KCNG2: variants seen among roughly 807,000 people sequenced by gnomAD.
KCNG2 encodes voltage-gated potassium channel regulatory subunit KCNG2.
Under a neutral mutation model 12.3 loss-of-function variants are expected in KCNG2, and 7 were observed. The ratio of observed to expected loss-of-function variants is 0.57; its 90% CI spans 0.32 to 1.07. The LOEUF (loss-of-function observed/expected upper bound fraction) is 1.07, where lower values mean the gene tolerates loss of function less well. Among genes scored for constraint, KCNG2 ranks in the 50% least tolerant of loss-of-function variants. The pLI is 0.04. For synonymous variants in KCNG2, 414 were observed against 351.4 expected (o/e 1.18, Z -1.99); for missense variants, 703 against 726.0 (o/e 0.97, Z 0.36).
chr18:79,819,217 G>A (rs761495262), intron 1 of KCNG2, among the ~76,000 whole-genome samples: 11 of 152,194 alleles, frequency 7.2e-5, no homozygotes, highest in African/African-American at 1.7e-4. Flanking sequence ...GGAGAAGGCC[G>A]GCAGCCTGCA....
intron 1 of KCNG2, among the ~76,000 whole-genome samples, chr18:79,827,927 C>CTT (rs55913813): frequency 0.28 from 40,009 of 140,954 alleles, 6,541 homozygotes; most frequent in South Asian, 0.51. Context: ...TTCTTTCTTT[C>CTT]TTTTTTTTTT....
chr18:79,805,307 T>C (rs1434033535), intron 1 of KCNG2, among the ~76,000 whole-genome samples: 1 of 152,230 alleles, frequency 6.6e-6, no homozygotes, highest in Non-Finnish European at 1.5e-5. Context: ...TCCAAATACA[T>C]GGCTTTTTGC....
chr18:79,845,182 G>A (rs1226408358), intron 1 of KCNG2, among the ~76,000 whole-genome samples: 1 of 152,212 alleles, frequency 6.6e-6, no homozygotes, highest in Admixed American at 6.5e-5. Context: ...GTTACGTAGG[G>A]TGTGGTTCAA....
intron 1 of KCNG2, among the ~76,000 whole-genome samples, chr18:79,814,511 C>G (rs1402821959): frequency 6.6e-6 from 1 of 152,170 alleles, no homozygotes; most frequent in East Asian, 1.9e-4. Context: ...TCTGCCATTC[C>G]ATTTGCACGG....
At chr18:79,865,696 G>C (rs1979476006) in intron 3 of KCNG2, among the ~76,000 whole-genome samples, 1 of 146,024 alleles carries the variant, frequency 6.8e-6, no homozygotes, top group Non-Finnish European at 1.5e-5. Flanking sequence ...TGAGAGGTCT[G>C]GGTGCTGAGG....
intron 1 of KCNG2, among the ~76,000 whole-genome samples, chr18:79,825,469 C>T (rs2087606416): frequency 6.6e-6 from 1 of 152,220 alleles, no homozygotes; most frequent in Admixed American, 6.5e-5. Flanking sequence ...AATATCTTTC[C>T]TGTCCTTTTC....
At chr18:79,834,211 T>A (rs1207861493) in intron 1 of KCNG2, among the ~76,000 whole-genome samples, 2 of 152,230 alleles carry the variant, frequency 1.3e-5, no homozygotes, top group Non-Finnish European at 2.9e-5. Context: ...AGAACCCTGA[T>A]AAAGACCCGT....
In KCNG2 at chr18:79,881,419, G is replaced by A. The variant is rs374296979; in HGVS notation, c.624+17128G>A. ...GAACTGCCTATGTAGAAATTCCCAGGAAACCCACAACAAAGCTTAAGAAAA... is the reference window on the plus strand; with the variant it reads ...GAACTGCCTATGTAGAAATTCCCAGAAAACCCACAACAAAGCTTAAGAAAA... On this transcript the variant is annotated intron_variant, in intron 3 of 3. Coordinates refer to ENST00000316249, the MANE Select transcript of KCNG2 (RefSeq NM_012283.2). Among the ~76,000 whole-genome samples, 10 of 152,268 alleles carry A rather than the reference G, an allele frequency of 6.6e-5. No homozygotes were observed. The South Asian group carries it at 1.5e-3, about 22-fold the overall frequency.
intron 3 of KCNG2, among the ~76,000 whole-genome samples, chr18:79,865,732 T>TGA (rs1284879900): frequency 8.9e-5 from 10 of 112,046 alleles, no homozygotes; most frequent in East Asian, 5.3e-4. Flanking sequence ...GTCTGTGTTC[T>TGA]GAGGTCTGGG....
intron 1 of KCNG2, chr18:79,816,462 G>C (rs968227237): frequency 2.0e-5 from 3 of 148,876 alleles, no homozygotes; most frequent in African/African-American, 7.3e-5. Flanking sequence ...AGCCCTGCAC[G>C]GGCGCTCTTT....
chr18:79,854,530 C>T (rs1599394907), intron 1 of KCNG2, among the ~76,000 whole-genome samples: 4 of 135,828 alleles, frequency 2.9e-5, no homozygotes, highest in Non-Finnish European at 3.1e-5. Context: ...CTTTCATTGG[C>T]TTTTTTTTTT....
Position 79,899,072 on chromosome 18 carries a change from C to T in KCNG2, c.657C>T (p.Phe219=), listed in dbSNP as rs148791756. 655 of 1,589,032 alleles carry T rather than the reference C, an allele frequency of 4.1e-4. 16 individuals carry two copies. The East Asian group carries it at 0.013, about 32-fold the overall frequency. The change falls in exon 4 of 4, where the codon TTC becomes TTT. Residue 219 remains phenylalanine, a synonymous_variant. Transcript: ENST00000316249. ...GECSPKCRSL[F]VLETVCVAWF... The stretch of plus-strand genomic sequence containing the variant: ...GCTCCCCCAAGTGCCGCAGCCTGTT[C>T]GTGCTGGAGACCGTGTGCGTGGCCT...
chr18:79,828,071 G>T lies in KCNG2; in HGVS notation c.-114-28308G>T, dbSNP rs527950355. The stretch of plus-strand genomic sequence containing the variant: ...CCCAAGTAGCTCGGATTACAGGCAC[G>T]CACCAACACACCCGGCTAATTCTTT... On this transcript the variant is annotated intron_variant, in intron 1 of 3. Transcript: ENST00000316249. 3.3e-5 allele frequency among the ~76,000 whole-genome samples: 5 copies of T among 151,998 alleles called. No homozygotes were observed. The East Asian group carries it at 5.8e-4, about 18-fold the overall frequency.
rs1229743824 is a variant in KCNG2, at chr18:79,863,950, G to A, written c.283G>A (p.Gly95Ser). The A allele has an allele frequency of 2.3e-6, 3 of 1,319,334 alleles. No homozygotes were observed. The highest frequency in any genetic ancestry group is 1.9e-5 in the South Asian group (1 of 53,192). 81.7% of individuals were successfully genotyped at this position (1,319,334 alleles called of 1,614,324 possible). Residue 95 changes from glycine to serine, a missense_variant, in exon 3 of 4, where the codon GGC (glycine) becomes AGC (serine). Physicochemically the swap from Gly to Ser is moderately conservative, Grantham distance 56. Coordinates refer to ENST00000316249, the MANE Select transcript of KCNG2 (RefSeq NM_012283.2). The part of the protein sequence containing the change: ...LRAGKLRLLR[G>S]PCALAFRDEL... Reference sequence around the variant, plus strand: ...CGCAGGGAAGCTGCGACTGCTGCGGGGCCCGTGCGCGCTGGCCTTCCGCGA... The same window carrying A: ...CGCAGGGAAGCTGCGACTGCTGCGGAGCCCGTGCGCGCTGGCCTTCCGCGA...
chr18:79,856,319 G>A (rs560369465), intron 1 of KCNG2, among the ~76,000 whole-genome samples, 60 bp from the exon 2 acceptor site: 5 of 152,224 alleles, frequency 3.3e-5, no homozygotes, highest in African/African-American at 2.4e-5. Context: ...ACGATGCTCC[G>A]CAGTAATAAC....
At position 79,806,999 on chromosome 18, in the gene KCNG2, C is replaced by G. The variant is rs1191323064; in HGVS notation, c.-115+8985C>G. Among the ~76,000 whole-genome samples, 10 of 152,186 alleles carry G rather than the reference C, an allele frequency of 6.6e-5. No individual in the cohort carries two copies. The East Asian group carries it at 1.9e-3, about 29-fold the overall frequency. ...ACCAGGGGCAAACTTCCTCATCTTTCTTCATGTTTAAATGTTAGAAATAGC... is the reference window on the plus strand; with the variant it reads ...ACCAGGGGCAAACTTCCTCATCTTTGTTCATGTTTAAATGTTAGAAATAGC... On this transcript the variant is annotated intron_variant, in intron 1 of 3. Transcript: ENST00000316249.
At chr18:79,840,273 A>T (rs1978418883) in intron 1 of KCNG2, among the ~76,000 whole-genome samples, 1 of 152,240 alleles carries the variant, frequency 6.6e-6, no homozygotes, top group Non-Finnish European at 1.5e-5. Flanking sequence ...TGAATTCAGC[A>T]AGATTGCAAG....
chr18:79,885,505 G>A (rs1048954699), intron 3 of KCNG2, among the ~76,000 whole-genome samples: 1 of 152,222 alleles, frequency 6.6e-6, no homozygotes, highest in African/African-American at 2.4e-5. Flanking sequence ...GCTGCACTGG[G>A]TCCCTCCTTG....
At chr18:79,863,323 C>T (rs1979291406) in intron 2 of KCNG2, among the ~76,000 whole-genome samples, 1 of 152,224 alleles carries the variant, frequency 6.6e-6, no homozygotes, top group Non-Finnish European at 1.5e-5. Context: ...TTGGAGTTTG[C>T]GTCGATTTGT....
Sources: gnomAD v4.1 joint callset for allele counts (sites outside exome capture counted in the v4.1 genomes callset) on GRCh38, gnomAD v4.1.1 for gene constraint, MANE v1.5 for transcripts, NCBI Gene and HGNC (gene_info 2026-07-23, HGNC 2026-07-21) for gene names.